The following PLCL2 variants were observed in gnomAD, a reference collection of about 807,000 sequenced individuals.
PLCL2 encodes the protein inactive phospholipase C-like protein 2.
PLCL2 carries 4 observed loss-of-function variants against 79.6 expected under a neutral mutation model. That is an observed-to-expected ratio of 0.05 (90% CI 0.02 to 0.11). The LOEUF is 0.11. Among genes scored for constraint, PLCL2 ranks in the 10% least tolerant of loss-of-function variants. The probability of loss-of-function intolerance (pLI) is 1.00; values close to 1 mark genes in which losing one functional copy is unlikely to be tolerated. For synonymous variants in PLCL2, 484 were observed against 457.7 expected (o/e 1.06, Z -0.73); for missense variants, 895 against 1,291.0 (o/e 0.69, Z 4.70).
intron 3 of PLCL2, among the ~76,000 whole-genome samples, chr3:17,041,669 T>C (rs149180287): frequency 1.8e-4 from 27 of 152,240 alleles, no homozygotes; most frequent in African/African-American, 6.0e-4. Context: ...GCAGGCCAGG[T>C]GCGGTGGCTT....
chr3:16,895,946 A>G (rs1279751913), intron 1 of PLCL2, among the ~76,000 whole-genome samples: 1 of 152,190 alleles, frequency 6.6e-6, no homozygotes, highest in African/African-American at 2.4e-5. Context: ...ACACTTGGGG[A>G]TAATAATTGA....
At chr3:17,089,193 A>C (rs1479370455) in intron 5 of PLCL2, among the ~76,000 whole-genome samples, 1 of 152,072 alleles carries the variant, frequency 6.6e-6, no homozygotes, top group Non-Finnish European at 1.5e-5. Flanking sequence ...ACGTGAACCC[A>C]CACATGTGAT....
At chr3:16,965,501 C>T (rs867601887) in intron 1 of PLCL2, among the ~76,000 whole-genome samples, 104 of 151,388 alleles carry the variant, frequency 6.9e-4, no homozygotes, top group African/African-American at 2.2e-3. Context: ...CTTGGCAATG[C>T]GGGCTCTTTT....
intron 3 of PLCL2, among the ~76,000 whole-genome samples, chr3:17,018,638 T>C (rs2064412019): frequency 6.6e-6 from 1 of 152,218 alleles, no homozygotes; most frequent in Non-Finnish European, 1.5e-5. Flanking sequence ...CATGATTATA[T>C]CATACATCAT....
At chr3:16,970,558 G>A (rs1169883128) in intron 1 of PLCL2, among the ~76,000 whole-genome samples, 32 of 149,032 alleles carry the variant, frequency 2.1e-4, no homozygotes, top group South Asian at 6.6e-4. Flanking sequence ...ATGATTTATA[G>A]TCCTTTGGGT....
chr3:17,089,709 G>A, intron 5 of PLCL2, 24 bp from the exon 6 acceptor site: 2 of 1,397,692 alleles, frequency 1.4e-6, no homozygotes, highest in South Asian at 1.2e-5. Context: ...ATCTAATACT[G>A]TTTAATTGCA....
intron 1 of PLCL2, among the ~76,000 whole-genome samples, chr3:16,938,389 G>A (rs949707789): frequency 2.6e-5 from 4 of 152,008 alleles, no homozygotes; most frequent in African/African-American, 7.2e-5. Flanking sequence ...ACAAGAGTTC[G>A]GAAAGAAATA....
At chr3:17,051,542 GGA>G (rs1491317575) in intron 4 of PLCL2, among the ~76,000 whole-genome samples, 1 of 151,508 alleles carries the variant, frequency 6.6e-6, no homozygotes, top group Admixed American at 6.6e-5. Flanking sequence ...TGTTCTGGGG[GGA>G]AAAAAAAGTC....
intron 2 of PLCL2, 42 bp downstream of exon 2, chr3:17,012,202 C>T: frequency 1.3e-6 from 2 of 1,541,650 alleles, no homozygotes; most frequent in Non-Finnish European, 1.8e-6. Flanking sequence ...GGTTTTCCTA[C>T]TTTGTACATG....
At chr3:17,041,056 A>G (rs1350049823) in intron 3 of PLCL2, among the ~76,000 whole-genome samples, 1 of 152,202 alleles carries the variant, frequency 6.6e-6, no homozygotes, top group Non-Finnish European at 1.5e-5. Flanking sequence ...CTTGACATCA[A>G]AGCTGAAAAA....
intron 1 of PLCL2, among the ~76,000 whole-genome samples, chr3:16,933,928 A>G (rs2124944769): frequency 6.6e-6 from 1 of 152,170 alleles, no homozygotes; most frequent in Admixed American, 6.5e-5. Context: ...TTAGCCGGGC[A>G]TGATGGTGGG....
chr3:17,020,591 G>T (rs1045183294), intron 3 of PLCL2, among the ~76,000 whole-genome samples: 1 of 151,564 alleles, frequency 6.6e-6, no homozygotes, highest in Non-Finnish European at 1.5e-5. Flanking sequence ...GATTTTAATT[G>T]CCTTCAGGTT....
intron 1 of PLCL2, among the ~76,000 whole-genome samples, chr3:17,007,171 C>T (rs1008237334): frequency 5.9e-5 from 9 of 151,976 alleles, no homozygotes; most frequent in African/African-American, 1.5e-4. Context: ...CTAAAGACAT[C>T]GGTCAGGCGT....
intron 1 of PLCL2, among the ~76,000 whole-genome samples, chr3:16,969,224 C>T (rs1056416550): frequency 6.6e-6 from 1 of 151,860 alleles, no homozygotes; most frequent in African/African-American, 2.4e-5. Flanking sequence ...GTGTCTCTTC[C>T]AGGTTGTGGT....
Position 17,014,794 on chromosome 3 carries a change from T to C in PLCL2, c.2901T>C (p.Phe967=), listed in dbSNP as rs750195857. Residue 967 remains phenylalanine, a synonymous_variant, in exon 3 of 6, where the codon TTT becomes TTC. Transcript: ENST00000615277. Reference sequence around the variant, plus strand: ...GCATGTTGGCGGTGTCTCCCCGCTTTCTGGGGCCCGATAACACACCCCTAG... The same window carrying C: ...GCATGTTGGCGGTGTCTCCCCGCTTCCTGGGGCCCGATAACACACCCCTAG... ...MQCMLAVSPR[F]LGPDNTPLVV... The C allele has an allele frequency of 2.5e-5, 41 of 1,614,040 alleles. No homozygotes were observed. The Admixed American group carries it at 6.7e-4, about 26-fold the overall frequency.
At chr3:17,073,410 C>T (rs1042233245) in intron 5 of PLCL2, among the ~76,000 whole-genome samples, 1 of 152,180 alleles carries the variant, frequency 6.6e-6, no homozygotes, top group African/African-American at 2.4e-5. Context: ...ATCATCTAAG[C>T]CCTCAGTTAG....
intron 1 of PLCL2, among the ~76,000 whole-genome samples, chr3:16,990,953 G>A (rs2064098893): frequency 6.6e-6 from 1 of 152,232 alleles, no homozygotes. Flanking sequence ...CCACCCACAG[G>A]ATAGAGAGAC....
chr3:16,912,850 A>G (rs1575525523), intron 1 of PLCL2, among the ~76,000 whole-genome samples: 1 of 152,214 alleles, frequency 6.6e-6, no homozygotes, highest in Non-Finnish European at 1.5e-5. Context: ...TGGTGTTGGA[A>G]GATGGCCTCC....
chr3:16,950,140 T>A (rs1308517583), intron 1 of PLCL2, among the ~76,000 whole-genome samples: 1 of 152,214 alleles, frequency 6.6e-6, no homozygotes, highest in East Asian at 1.9e-4. Context: ...TTTGCTTTCC[T>A]TTTTTGGCAT....
Sources: gnomAD v4.1 joint callset for allele counts (sites outside exome capture counted in the v4.1 genomes callset) on GRCh38, gnomAD v4.1.1 for gene constraint, MANE v1.5 for transcripts, NCBI Gene and HGNC (gene_info 2026-07-23, HGNC 2026-07-21) for gene names.